Variants in TMEM131 observed in about 807,000 individuals in gnomAD.
The protein encoded by TMEM131 is transmembrane protein 131, also known as 2610524E03Rik.
In TMEM131, 66 loss-of-function variants were observed where a neutral mutation model predicts 211.6. The ratio of observed to expected loss-of-function variants is 0.31; its 90% CI spans 0.26 to 0.38. TMEM131 has a LOEUF of 0.38. Among genes scored for constraint, TMEM131 ranks in the 10% least tolerant of loss-of-function variants. The pLI, the probability that TMEM131 is intolerant of heterozygous loss-of-function variation, is 1.00. For synonymous variants in TMEM131, 844 were observed against 841.3 expected (o/e 1.00, Z -0.06); for missense variants, 2,036 against 2,299.3 (o/e 0.89, Z 2.34).
intron 1 of TMEM131, 103 bp downstream of exon 1, chr2:97,995,373 G>T: frequency 8.5e-7 from 1 of 1,181,656 alleles, no homozygotes; most frequent in Non-Finnish European, 1.1e-6. Flanking sequence ...CCAACTTTGC[G>T]CCGGAGCCCC....
intron 1 of TMEM131, among the ~76,000 whole-genome samples, chr2:97,972,502 G>GGGCAGGCA (rs569396801): frequency 5.3e-5 from 8 of 150,628 alleles, no homozygotes; most frequent in Admixed American, 2.7e-4. Flanking sequence ...GCAGGCAGGC[G>GGGCAGGCA]GGCAGGCAGG....
chr2:97,940,579 C>T (rs1173524628), intron 1 of TMEM131, among the ~76,000 whole-genome samples: 11 of 152,070 alleles, frequency 7.2e-5, no homozygotes, highest in African/African-American at 2.2e-4. Flanking sequence ...GAGGCCAAGA[C>T]GGGCGGATCA....
At chr2:97,856,766 A>C (rs577382396) in intron 5 of TMEM131, among the ~76,000 whole-genome samples, 15 of 152,256 alleles carry the variant, frequency 9.9e-5, no homozygotes, top group African/African-American at 3.4e-4. Flanking sequence ...AGTTCATTCT[A>C]TCTCTCCCCT....
intron 1 of TMEM131, among the ~76,000 whole-genome samples, chr2:97,942,829 A>G (rs983463795): frequency 1.3e-5 from 2 of 151,874 alleles, no homozygotes; most frequent in Non-Finnish European, 2.9e-5. Flanking sequence ...AAGCATAAAG[A>G]AGGACAAAAA....
intron 1 of TMEM131, among the ~76,000 whole-genome samples, chr2:97,984,101 T>C (rs1679921685): frequency 6.6e-6 from 1 of 152,214 alleles, no homozygotes; most frequent in South Asian, 2.1e-4. Flanking sequence ...TAGGTTAACA[T>C]AAACCATATA....
At chr2:97,851,984 A>G (rs1231152705) in intron 5 of TMEM131, among the ~76,000 whole-genome samples, 1 of 152,220 alleles carries the variant, frequency 6.6e-6, no homozygotes, top group Non-Finnish European at 1.5e-5. Context: ...AGAGGCTCAA[A>G]GCTAGGCCTT....
chr2:97,875,056 A>G (rs1285727790), intron 4 of TMEM131, among the ~76,000 whole-genome samples: 5 of 152,108 alleles, frequency 3.3e-5, no homozygotes, highest in Non-Finnish European at 7.4e-5. Context: ...AAAAAGCAGG[A>G]GTTGCAATCC....
intron 4 of TMEM131, among the ~76,000 whole-genome samples, chr2:97,882,677 C>T (rs1674986116): frequency 6.6e-6 from 1 of 152,178 alleles, no homozygotes. Flanking sequence ...AACCAGCTCT[C>T]TCAAATGCAT....
chr2:97,895,455 C>G (rs973127455), intron 3 of TMEM131, among the ~76,000 whole-genome samples: 2 of 152,150 alleles, frequency 1.3e-5, no homozygotes, highest in African/African-American at 4.8e-5. Context: ...ACCAGCTCCT[C>G]TTTGTACCTC....
intron 1 of TMEM131, among the ~76,000 whole-genome samples, chr2:97,953,767 A>G (rs536874285): frequency 6.6e-6 from 1 of 152,308 alleles, no homozygotes; most frequent in African/African-American, 2.4e-5. Context: ...TCATAAAACA[A>G]ACCCCAACTA....
At position 97,859,304 on chromosome 2, in the gene TMEM131, C is replaced by T; in HGVS notation, c.483G>A (p.Arg161=). The T allele has an allele frequency of 1.3e-6, 2 of 1,589,248 alleles. No individual in the cohort carries two copies. Among genetic ancestry groups the T allele is most frequent in the Non-Finnish European group, 1.7e-6 (2 of 1,172,986 alleles). Residue 161 remains arginine, a splice_region_variant and synonymous_variant, in exon 5 of 41, where the codon AGG becomes AGA. Coordinates refer to ENST00000186436, the MANE Select transcript of TMEM131 (RefSeq NM_015348.2). Reference sequence around the variant, plus strand: ...GATCATGTATAGCAGAGAAACTTACCCTATTTTGAAAAAATGATGCATGAA... The same window carrying T: ...GATCATGTATAGCAGAGAAACTTACTCTATTTTGAAAAAATGATGCATGAA... The part of the protein sequence containing the change: ...SHFHASFFQN[R]KILPGGNTSF...
At chr2:97,801,266 G>T (rs868230033) in intron 25 of TMEM131, among the ~76,000 whole-genome samples, 7 of 152,242 alleles carry the variant, frequency 4.6e-5, no homozygotes, top group Non-Finnish European at 1.0e-4. Context: ...GGACCAGTTT[G>T]CAGGGAGCCT....
chr2:97,850,721 A>G lies in TMEM131; in HGVS notation c.484-6460T>C, dbSNP rs183991935. Among the ~76,000 whole-genome samples the G allele has an allele frequency of 2.9e-3, 441 of 152,338 alleles. 2 individuals carry two copies. The highest frequency in any genetic ancestry group is 8.6e-3 in the Admixed American group (132 of 15,302). ...CTGTGTATCCACCTAAAAAAAATCTAAAATGTTCTCTAAAAAAAGGTGAAA... is the reference window on the plus strand; with the variant it reads ...CTGTGTATCCACCTAAAAAAAATCTGAAATGTTCTCTAAAAAAAGGTGAAA... On this transcript the variant is annotated intron_variant, in intron 5 of 40. Transcript: ENST00000186436.
intron 3 of TMEM131, among the ~76,000 whole-genome samples, chr2:97,892,767 T>C (rs1675434093): frequency 6.6e-6 from 1 of 152,222 alleles, no homozygotes; most frequent in African/African-American, 2.4e-5. Flanking sequence ...TTTAAACCTT[T>C]AACTTTTAGA....
intron 4 of TMEM131, among the ~76,000 whole-genome samples, chr2:97,882,572 A>G (rs1674979637): frequency 6.6e-6 from 1 of 152,178 alleles, no homozygotes; most frequent in Admixed American, 6.5e-5. Flanking sequence ...CTGGATACTT[A>G]TCTGTGGACA....
At chr2:97,877,497 C>T (rs1674747480) in intron 4 of TMEM131, among the ~76,000 whole-genome samples, 1 of 152,094 alleles carries the variant, frequency 6.6e-6, no homozygotes. Flanking sequence ...GGTACTGGTA[C>T]CAAAACAGAT....
intron 6 of TMEM131, 111 bp from the exon 7 acceptor site, chr2:97,842,048 T>C (rs1297503409): frequency 5.6e-6 from 6 of 1,061,998 alleles, no homozygotes; most frequent in African/African-American, 1.6e-5. Flanking sequence ...GTATAAAAAA[T>C]TAACAATCCC....
chr2:97,872,695 G>C (rs183495141), intron 4 of TMEM131, among the ~76,000 whole-genome samples: 105 of 152,276 alleles, frequency 6.9e-4, no homozygotes, highest in African/African-American at 2.5e-3. Context: ...CTGAACCTGA[G>C]GAACTCTGGC....
chr2:97,807,348 A>G (rs1230792748), intron 19 of TMEM131, among the ~76,000 whole-genome samples: 1 of 152,190 alleles, frequency 6.6e-6, no homozygotes, highest in African/African-American at 2.4e-5. Flanking sequence ...TGGATCCCTC[A>G]TGAATGGCTT....
Sources: gnomAD v4.1 joint callset for allele counts (sites outside exome capture counted in the v4.1 genomes callset) on GRCh38, gnomAD v4.1.1 for gene constraint, MANE v1.5 for transcripts, NCBI Gene and HGNC (gene_info 2026-07-23, HGNC 2026-07-21) for gene names.